Variants in ZHX1 observed in about 807,000 individuals in gnomAD.
ZHX1 encodes the protein zinc fingers and homeoboxes 1.
Under a neutral mutation model 61.8 loss-of-function variants are expected in ZHX1, and 20 were observed. The ratio of observed to expected loss-of-function variants is 0.32; its 90% CI spans 0.23 to 0.47. The LOEUF (loss-of-function observed/expected upper bound fraction) is 0.47, where lower values mean the gene tolerates loss of function less well. Among genes scored for constraint, ZHX1 ranks in the 20% least tolerant of loss-of-function variants. ZHX1 has a pLI of 1.00. For missense variants in ZHX1, 800 were observed against 1,034.8 expected, an observed-to-expected ratio of 0.77 and a Z score of 3.11; for synonymous variants, 318 against 352.6, an observed-to-expected ratio of 0.90 and a Z score of 1.10.
At chr8:123,268,921 C>G (rs1826554020) in intron 1 of ZHX1, among the ~76,000 whole-genome samples, 1 of 152,218 alleles carries the variant, frequency 6.6e-6, no homozygotes, top group Admixed American at 6.5e-5. Flanking sequence ...AAACTTCTCA[C>G]ATCAAGAAAT....
At chr8:123,268,209 T>A (rs1434502513) in intron 1 of ZHX1, among the ~76,000 whole-genome samples, 1 of 152,234 alleles carries the variant, frequency 6.6e-6, no homozygotes, top group Admixed American at 6.5e-5. Flanking sequence ...TAGTACTTGA[T>A]CTACAAACAT....
chr8:123,265,021 T>A (rs1381044681), intron 2 of ZHX1, among the ~76,000 whole-genome samples: 1 of 150,664 alleles, frequency 6.6e-6, no homozygotes, highest in African/African-American at 2.4e-5. Context: ...AAACCCTGTC[T>A]CTACTAAAAA....
intron 2 of ZHX1, among the ~76,000 whole-genome samples, chr8:123,264,788 T>C (rs545937520): frequency 1.3e-3 from 197 of 150,226 alleles, no homozygotes; most frequent in African/African-American, 4.7e-3. Context: ...CTTGAACTCC[T>C]GACATCATAA....
In ZHX1 at chr8:123,254,092, T is replaced by G. The variant is rs762770128; in HGVS notation, c.1855A>C (p.Lys619Gln). 2 of 1,614,134 alleles carry G rather than the reference T, an allele frequency of 1.2e-6. No homozygotes were observed. Among genetic ancestry groups the G allele is most frequent in the Non-Finnish European group, 1.7e-6 (2 of 1,180,020 alleles). The change falls in exon 3 of 4, where the codon AAG becomes CAG. Residue 619 changes from lysine (K) to glutamine (Q), a missense_variant. By Grantham distance (53) the Lys-to-Gln change is moderately conservative (BLOSUM62 1). Coordinates refer to ENST00000395571, the MANE Select transcript of ZHX1 (RefSeq NM_007222.5). The surrounding 1 kb of genome is among the most constrained non-coding windows in gnomAD (Gnocchi z 4.1). ...TCCTTTAAAGCTTTTGATTTCTTCT[T>G]CTCTGTAAACCAAGCATCGATTTCT... ...RREIDAWFTE[K>Q]KKSKALKEEK...
chr8:123,256,021 G>T lies in ZHX1; in HGVS notation c.-75C>A. 7.2e-7 allele frequency: 1 copy of T among 1,386,982 alleles called. No homozygotes were observed. Among genetic ancestry groups the T allele is most frequent in the Non-Finnish European group, 9.7e-7 (1 of 1,032,218 alleles). 85.9% of individuals were successfully genotyped at this position (1,386,982 alleles called of 1,614,324 possible). A position where few individuals can be genotyped will look rare whatever the true frequency, so the allele number is the denominator to read the frequency against. ...TAAAACTGTTCAGTGTTCTTCATTT[G>T]AAAACAATGGCTTTTGGTTCTTCAA... On this transcript the variant is annotated 5_prime_UTR_variant, in exon 3 of 4. An upstream open reading frame in the 5' UTR gains an earlier in-frame stop. Transcript: ENST00000395571.
chr8:123,261,416 C>G (rs1178682259), intron 2 of ZHX1, among the ~76,000 whole-genome samples: 1 of 150,570 alleles, frequency 6.6e-6, no homozygotes, highest in Non-Finnish European at 1.5e-5. Context: ...AAGAGCTATT[C>G]AATTCAACCT....
At chr8:123,264,944 T>C (rs1826405430) in intron 2 of ZHX1, among the ~76,000 whole-genome samples, 1 of 149,976 alleles carries the variant, frequency 6.7e-6, no homozygotes, top group Non-Finnish European at 1.5e-5. Flanking sequence ...ATCCCAGCAC[T>C]TTGGGAGGCC....
chr8:123,253,842 G>T lies in ZHX1; in HGVS notation c.2105C>A (p.Thr702Lys), dbSNP rs199937711. ...KLAKESGLAR[T>K]DIVSWFGDTR... Reference sequence around the variant, plus strand: ...GTCCCCAAACCAACTAACTATGTCTGTTCTAGCAAGCCCGCTTTCTTTGGC... The same window carrying T: ...GTCCCCAAACCAACTAACTATGTCTTTTCTAGCAAGCCCGCTTTCTTTGGC... The change falls in exon 3 of 4, where the codon ACA (threonine) becomes AAA (lysine). Residue 702 changes from threonine (T) to lysine (K), a missense_variant. Thr to Lys is a moderately conservative substitution (Grantham distance 78). Coordinates refer to ENST00000395571, the MANE Select transcript of ZHX1 (RefSeq NM_007222.5). The T allele has an allele frequency of 1.9e-6, 3 of 1,614,182 alleles. No individual in the cohort carries two copies.
chr8:123,256,913 T>C (rs1826087694), intron 2 of ZHX1: 1 of 151,788 alleles, frequency 6.6e-6, no homozygotes, highest in Non-Finnish European at 1.5e-5. Flanking sequence ...TTCAGAAACA[T>C]TATTATTATT....
intron 3 of ZHX1, 44 bp downstream of exon 3, chr8:123,253,278 T>A: frequency 6.9e-7 from 1 of 1,443,742 alleles, no homozygotes; most frequent in Non-Finnish European, 9.3e-7. Context: ...AAAATGTATG[T>A]GGTTGATGAA....
At position 123,253,754 on chromosome 8, in the gene ZHX1, T is replaced by G. The variant is rs1027173955; in HGVS notation, c.2193A>C (p.Ser731=). 5 of 1,614,232 alleles carry G rather than the reference T, an allele frequency of 3.1e-6. No individual in the cohort carries two copies. Among genetic ancestry groups the G allele is most frequent in the Non-Finnish European group, 3.4e-6 (4 of 1,180,034 alleles). ...KWYYYYQSAN[S]SSMNGLSSLR... ...GGGAAGACAGACCATTCATACTACT[T>G]GAATTGGCGCTCTGATAGTAGTAGT... is the stretch of plus-strand genomic sequence containing the variant. Residue 731 remains serine, a synonymous_variant, in exon 3 of 4, where the codon TCA becomes TCC. Transcript: ENST00000395571.
chr8:123,261,833 A>C (rs552494417), intron 2 of ZHX1, among the ~76,000 whole-genome samples: 11 of 152,184 alleles, frequency 7.2e-5, no homozygotes, highest in African/African-American at 2.4e-4. Context: ...TTAGCAACTT[A>C]ATCAGCTGAA....
At chr8:123,274,957 A>G (rs1171208691), upstream of ZHX1, among the ~76,000 whole-genome samples, 2 of 152,092 alleles carry the variant, frequency 1.3e-5, no homozygotes, top group Non-Finnish European at 2.9e-5. Context: ...CCCTGACAGA[A>G]GTCGCCGCGC....
chr8:123,259,323 C>G lies in ZHX1; in HGVS notation c.-225-3152G>C, dbSNP rs76046668. Among the ~76,000 whole-genome samples, 1,212 of 152,112 alleles carry G rather than the reference C, an allele frequency of 8.0e-3. 23 individuals are homozygous for G. The highest frequency in any genetic ancestry group is 0.027 in the African/African-American group (1,113 of 41,490). ...ATAAAGAAATCACTGATATTTACAA[C>G]TATTTCTTAACCAAATGTTATAAAC... On this transcript the variant is annotated intron_variant, in intron 2 of 3. Coordinates refer to ENST00000395571, the MANE Select transcript of ZHX1 (RefSeq NM_007222.5).
intron 3 of ZHX1, chr8:123,252,506 GGT>G (rs1174146943): frequency 1.3e-5 from 2 of 152,156 alleles, no homozygotes; most frequent in Non-Finnish European, 2.9e-5. Context: ...TGTTAGTGCT[GGT>G]AGCAGGTTTG....
At chr8:123,253,036 G>A in intron 3 of ZHX1, 1 of 282,774 alleles carries the variant, frequency 3.5e-6, no homozygotes. Flanking sequence ...CTGCCTGCCA[G>A]TCTCCCTTCA....
chr8:123,273,373 C>G (rs1826723431), intron 1 of ZHX1, among the ~76,000 whole-genome samples: 1 of 152,150 alleles, frequency 6.6e-6, no homozygotes, highest in African/African-American at 2.4e-5. Flanking sequence ...GCCTTTTATA[C>G]CCCTTGAGGT....
rs752970528 is a variant in ZHX1 at position 123,253,670 on chromosome 8, C to G, written c.2277G>C (p.Arg759=). Residue 759 remains arginine, a synonymous_variant, in exon 3 of 4, where the codon CGG becomes CGC. Transcript: ENST00000395571. ...TGTTAATTCTTTTGCTTCCTCTAGG[C>G]CGCCCACGCGGTCTTCCTCTTCCCC... ...KGRGRGRPRG[R]PRGSKRINNW... 1.9e-6 allele frequency: 3 copies of G among 1,614,192 alleles called. No individual in the cohort carries two copies. In the East Asian group the frequency reaches 6.7e-5, roughly 36 times the overall value.
chr8:123,273,945 G>A (rs934473411), intron 1 of ZHX1: 4 of 152,464 alleles, frequency 2.6e-5, no homozygotes, highest in Admixed American at 1.3e-4. Flanking sequence ...GAGCGAGGGA[G>A]GCTGTGGGTC....
Sources: gnomAD v4.1 joint callset for allele counts (sites outside exome capture counted in the v4.1 genomes callset) on GRCh38, gnomAD v4.1.1 for gene constraint, Gnocchi (gnomAD v3.1) non-coding constraint, MANE v1.5 for transcripts, NCBI Gene and HGNC (gene_info 2026-07-23, HGNC 2026-07-21) for gene names.